The following ILDR1 variants were observed in gnomAD, a reference collection of about 807,000 sequenced individuals.
ILDR1 encodes immunoglobulin like domain containing receptor 1.
In ILDR1, 56 loss-of-function variants were observed where a neutral mutation model predicts 62.4. The ratio of observed to expected loss-of-function variants is 0.90; its 90% CI spans 0.72 to 1.12. The LOEUF is 1.12. Among genes scored for constraint, ILDR1 ranks in the 50% most tolerant of loss-of-function variants. The probability of loss-of-function intolerance (pLI) is 0.00; values close to 1 mark genes in which losing one functional copy is unlikely to be tolerated. For synonymous variants in ILDR1, 284 were observed against 277.8 expected, an observed-to-expected ratio of 1.02 and a Z score of -0.22; for missense variants, 736 against 710.6, an observed-to-expected ratio of 1.04 and a Z score of -0.41.
upstream of ILDR1, among the ~76,000 whole-genome samples, chr3:122,026,386 AT>A (rs1231362758): frequency 4.6e-5 from 7 of 152,334 alleles, no homozygotes; most frequent in African/African-American, 1.7e-4. Context: ...TTTGACAGTT[AT>A]GTAGAATGTG....
Position 122,001,427 on chromosome 3 carries a change from A to G in ILDR1, c.527T>C (p.Leu176Pro). 6.2e-7 allele frequency: 1 copy of G among 1,614,166 alleles called. No homozygotes were observed. The highest frequency in any genetic ancestry group is 8.5e-7 in the Non-Finnish European group (1 of 1,180,016). The change falls in exon 5 of 8, where the codon CTG becomes CCG. Residue 176 changes from leucine (L) to proline (P), a missense_variant. Leu to Pro is a moderately conservative substitution (Grantham distance 98). Coordinates refer to ENST00000344209, the MANE Select transcript of ILDR1 (RefSeq NM_001199799.2). ...CAGCAGCAGGAGGAGGAGGGCTCCC[A>G]GGATGATGAAGATCACTGTCAGCCA... ...LHWLTVIFII[L>P]GALLLLLLIG... is the part of the protein sequence containing the mutation.
chr3:122,003,858 G>A (rs2071565039), intron 3 of ILDR1, among the ~76,000 whole-genome samples: 1 of 152,048 alleles, frequency 6.6e-6, no homozygotes, highest in Admixed American at 6.6e-5. Flanking sequence ...CAGGTAATTT[G>A]CTAATTAAAG....
chr3:121,998,730 T>C (rs9824120), intron 5 of ILDR1, among the ~76,000 whole-genome samples: 76,675 of 151,860 alleles, frequency 0.5, 19,921 homozygotes, highest in East Asian at 0.78. Context: ...GTGACAGTGA[T>C]TTCTCCATGG....
chr3:122,042,796 T>G, the ILDR1 span, among the ~76,000 whole-genome samples: 1 of 152,212 alleles, frequency 6.6e-6, no homozygotes, highest in Non-Finnish European at 1.5e-5. Context: ...TCTGAGTTCA[T>G]TGTAGATTCT....
chr3:122,012,481 T>C (rs1309951851), intron 1 of ILDR1, among the ~76,000 whole-genome samples: 13 of 152,178 alleles, frequency 8.5e-5, no homozygotes, highest in Non-Finnish European at 7.3e-5. Context: ...CCCTAACAGC[T>C]GAATGGTAAT....
the ILDR1 span, among the ~76,000 whole-genome samples, chr3:122,054,939 C>T: frequency 1.3e-5 from 2 of 151,970 alleles, no homozygotes; most frequent in Non-Finnish European, 2.9e-5. Context: ...CTCCCCATCT[C>T]CCATCCCCCC....
At chr3:121,994,149 C>T (rs2071402595) in intron 6 of ILDR1, 33 bp downstream of exon 6, 2 of 1,534,102 alleles carry the variant, frequency 1.3e-6, no homozygotes, top group East Asian at 4.9e-5. Flanking sequence ...TGCCCTCTGC[C>T]CTCCCCTATC....
In ILDR1 at chr3:122,005,922, CAA is replaced by C. The variant is rs796777545; in HGVS notation, c.230-531_230-530del. 8.3e-3 allele frequency among the ~76,000 whole-genome samples: 1,190 copies of C among 143,508 alleles called. 13 individuals carry two copies. The highest frequency in any genetic ancestry group is 0.027 in the African/African-American group (1,031 of 38,866). The allele number at this position is 143,508 out of a possible 152,430, so 94.1% of individuals were successfully genotyped here. A position where few individuals can be genotyped will look rare whatever the true frequency, so the allele number is the denominator to read the frequency against. On this transcript the variant is annotated intron_variant, in intron 2 of 7. Coordinates refer to ENST00000344209, the MANE Select transcript of ILDR1 (RefSeq NM_001199799.2). ...CTCAAAACAAAAACAAAAACAAAAA[CAA>C]AAACAAACAAACAAAAAAAAAACCA...
In ILDR1 at chr3:121,994,133, C is replaced by T. The variant is rs3915060; in HGVS notation, c.778+49G>A. Reference sequence around the variant, plus strand: ...GAGGTCTTGATGTAGCCCATGTTCCCGCCCTTGCCCTCTGCCCTCCCCTAT... The same window carrying T: ...GAGGTCTTGATGTAGCCCATGTTCCTGCCCTTGCCCTCTGCCCTCCCCTAT... On this transcript the variant is annotated intron_variant, in intron 6 of 7. Coordinates refer to ENST00000344209, the MANE Select transcript of ILDR1 (RefSeq NM_001199799.2). The T allele has an allele frequency of 0.73, 1,118,770 of 1,530,562 alleles. 411,670 individuals carry two copies. Among genetic ancestry groups the T allele is most frequent in the East Asian group, 0.92 (37,334 of 40,802 alleles). The allele number at this position is 1,530,562 out of a possible 1,614,324, so 94.8% of individuals were successfully genotyped here. A position where few individuals can be genotyped will look rare whatever the true frequency, so the allele number is the denominator to read the frequency against.
At chr3:122,005,530 G>T in intron 2 of ILDR1, 137 bp from the exon 3 acceptor site, 2 of 847,368 alleles carry the variant, frequency 2.4e-6, no homozygotes, top group Non-Finnish European at 1.9e-6. Context: ...TGGGACTCTT[G>T]TTAATCACGA....
the ILDR1 span, among the ~76,000 whole-genome samples, chr3:122,056,792 C>T: frequency 6.6e-6 from 1 of 151,928 alleles, no homozygotes; most frequent in African/African-American, 2.4e-5. Flanking sequence ...AATTTTGAAG[C>T]GTTATACTTG....
intron 7 of ILDR1, among the ~76,000 whole-genome samples, chr3:121,989,748 G>A (rs1454635326): frequency 6.6e-6 from 1 of 152,162 alleles, no homozygotes; most frequent in Non-Finnish European, 1.5e-5. Flanking sequence ...AAGTTGGGTG[G>A]AAGATCCCTC....
chr3:122,021,896 C>T, intron 1 of ILDR1, 124 bp downstream of exon 1: 1 of 883,716 alleles, frequency 1.1e-6, no homozygotes, highest in Non-Finnish European at 1.8e-6. Flanking sequence ...GCGCCCATGC[C>T]AAGCGCCACC....
the ILDR1 span, among the ~76,000 whole-genome samples, chr3:122,035,418 A>G: frequency 1.3e-5 from 2 of 152,150 alleles, no homozygotes. Context: ...CTATGTATAC[A>G]TTAATAAATC....
intron 1 of ILDR1, 114 bp downstream of exon 1, chr3:122,021,906 C>T: frequency 1.0e-6 from 1 of 1,001,072 alleles, no homozygotes; most frequent in Non-Finnish European, 1.5e-6. Flanking sequence ...CAAGCGCCAC[C>T]AGAGCGCGGC....
At position 121,997,175 on chromosome 3, in the gene ILDR1, ACGGGCATGAGCCAC is replaced by A. The variant is rs374203675; in HGVS notation, c.647-2876_647-2863del. Among the ~76,000 whole-genome samples the A allele has an allele frequency of 2.7e-3, 412 of 152,302 alleles. 2 individuals are homozygous for A. Among genetic ancestry groups the A allele is most frequent in the African/African-American group, 9.3e-3 (388 of 41,552 alleles). On this transcript the variant is annotated intron_variant, in intron 5 of 7. Coordinates refer to ENST00000344209, the MANE Select transcript of ILDR1 (RefSeq NM_001199799.2). ...CTCGGCCTCCCAAAGTACTGGGATTACGGGCATGAGCCACCATGCCCAGCCCTTGCCCTTCTTTT... is the reference window on the plus strand; with the variant it reads ...CTCGGCCTCCCAAAGTACTGGGATTACATGCCCAGCCCTTGCCCTTCTTTT...
chr3:122,046,325 G>A, the ILDR1 span, among the ~76,000 whole-genome samples: 7 of 151,154 alleles, frequency 4.6e-5, no homozygotes, highest in South Asian at 2.1e-4. Context: ...AGGGTAACCC[G>A]ACCTTTCTCT....
At chr3:121,994,100 C>G (rs958423671) in intron 6 of ILDR1, 82 bp downstream of exon 6, 1 of 1,514,866 alleles carries the variant, frequency 6.6e-7, no homozygotes, top group Non-Finnish European at 8.9e-7. Flanking sequence ...CCTGCCGCAT[C>G]GGTCACAGAG....
chr3:122,037,269 C>T, the ILDR1 span, among the ~76,000 whole-genome samples: 1 of 152,206 alleles, frequency 6.6e-6, no homozygotes, highest in East Asian at 1.9e-4. Context: ...ACAGCTCACA[C>T]CGTGTACCTG....
Sources: allele counts gnomAD v4.1 joint callset (sites outside exome capture counted in the v4.1 genomes callset), GRCh38; gene constraint gnomAD v4.1.1; transcripts MANE v1.5; gene names NCBI Gene and HGNC (gene_info 2026-07-23, HGNC 2026-07-21).